The following SLC9D1 variants were observed in gnomAD, a reference collection of about 807,000 sequenced individuals.
SLC9D1 encodes solute carrier family 9 member D1, also known as putative LAG1-interacting protein.
the SLC9D1 span, among the ~76,000 whole-genome samples, chr13:113,548,844 G>A: frequency 6.6e-6 from 1 of 152,186 alleles, no homozygotes; most frequent in East Asian, 1.9e-4. Flanking sequence ...GATGGCCCTG[G>A]GCATTCGGAC....
chr13:113,510,028 G>A, the SLC9D1 span, among the ~76,000 whole-genome samples: 92 of 152,256 alleles, frequency 6.0e-4, 1 homozygote, highest in African/African-American at 1.1e-3. Context: ...GTGCGTGTGC[G>A]TGTATTGTGT....
chr13:113,518,593 C>T, the SLC9D1 span, among the ~76,000 whole-genome samples: 1 of 152,152 alleles, frequency 6.6e-6, no homozygotes, highest in Admixed American at 6.5e-5. Context: ...GTGGGGTGGC[C>T]GTGGCTCCTT....
the SLC9D1 span, chr13:113,500,115 C>G: frequency 1.3e-6 from 2 of 1,566,122 alleles, no homozygotes; most frequent in Admixed American, 1.8e-5. Flanking sequence ...CCCAGAGATT[C>G]AACCATCCCA....
chr13:113,499,897 A>G, the SLC9D1 span: 3 of 1,077,234 alleles, frequency 2.8e-6, no homozygotes, highest in East Asian at 8.6e-5. Flanking sequence ...TTTAGCGTTC[A>G]TTCTCCAAAA....
chr13:113,505,256 G>C, the SLC9D1 span: 3 of 152,094 alleles, frequency 2.0e-5, no homozygotes, highest in East Asian at 5.8e-4. Flanking sequence ...CTTTGGATTT[G>C]TACACTCTTT....
At chr13:113,502,403 C>T in the SLC9D1 span, among the ~76,000 whole-genome samples, 5 of 152,102 alleles carry the variant, frequency 3.3e-5, no homozygotes, top group Middle Eastern at 6.8e-3. Context: ...TTAGTAGAGA[C>T]GGGGTTTCAC....
At chr13:113,519,793 G>A in the SLC9D1 span, among the ~76,000 whole-genome samples, 86 of 152,256 alleles carry the variant, frequency 5.6e-4, no homozygotes, top group African/African-American at 2.0e-3. Flanking sequence ...ATTCCGTGTG[G>A]TGGCTTGGGT....
At chr13:113,520,805 CT>C in the SLC9D1 span, 1 of 1,113,124 alleles carries the variant, frequency 9.0e-7, no homozygotes, top group Non-Finnish European at 1.3e-6. Flanking sequence ...TACTTAATAC[CT>C]TTTCCAAAGA....
chr13:113,501,635 C>G, the SLC9D1 span: 3 of 773,042 alleles, frequency 3.9e-6, no homozygotes, highest in African/African-American at 1.8e-5. Flanking sequence ...TGTCTTCACC[C>G]TTCATTCCCA....
chr13:113,496,088 G>C, the SLC9D1 span: 137 of 1,061,166 alleles, frequency 1.3e-4, no homozygotes, highest in Middle Eastern at 8.9e-4. Flanking sequence ...GAGAGAGGGA[G>C]AGTGCGTGCC....
At chr13:113,517,380 C>A in the SLC9D1 span, among the ~76,000 whole-genome samples, 6 of 152,032 alleles carry the variant, frequency 3.9e-5, no homozygotes, top group African/African-American at 1.2e-4. Flanking sequence ...CTACAGGCGC[C>A]CGCCACCACG....
chr13:113,513,525 A>G, the SLC9D1 span, among the ~76,000 whole-genome samples: 1 of 152,216 alleles, frequency 6.6e-6, no homozygotes, highest in African/African-American at 2.4e-5. Flanking sequence ...TTTGGGAGGT[A>G]GTTAGAGTCA....
the SLC9D1 span, chr13:113,501,648 A>G: frequency 1.6e-3 from 1,337 of 841,650 alleles, 3 homozygotes; most frequent in Non-Finnish European, 2.2e-3. Context: ...CATTCCCATC[A>G]GGTGAAATCG....
the SLC9D1 span, among the ~76,000 whole-genome samples, chr13:113,538,965 T>C: frequency 6.6e-6 from 1 of 152,224 alleles, no homozygotes; most frequent in Admixed American, 6.5e-5. Context: ...GTCCTGTCGC[T>C]TTCTCTCTGC....
At chr13:113,534,382 A>G in the SLC9D1 span, 2 of 686,624 alleles carry the variant, frequency 2.9e-6, no homozygotes, top group Admixed American at 2.9e-5. Flanking sequence ...TTTTATACAC[A>G]CTTTCTTATA....
At chr13:113,491,934 G>A in the SLC9D1 span, among the ~76,000 whole-genome samples, 2 of 152,252 alleles carry the variant, frequency 1.3e-5, no homozygotes, top group Non-Finnish European at 2.9e-5. Context: ...TTCAAAAGGA[G>A]TGTCTTAATG....
At chr13:113,507,016 C>T in the SLC9D1 span, among the ~76,000 whole-genome samples, 1 of 151,924 alleles carries the variant, frequency 6.6e-6, no homozygotes, top group African/African-American at 2.4e-5. Flanking sequence ...GAGTCAGATG[C>T]GTGGAAGGAC....
chr13:113,529,168 C>G, the SLC9D1 span: 1 of 152,160 alleles, frequency 6.6e-6, no homozygotes, highest in South Asian at 2.1e-4. Context: ...TTTTCCAATT[C>G]AAAAAATTAA....
chr13:113,547,774 A>C, the SLC9D1 span, among the ~76,000 whole-genome samples: 1 of 152,048 alleles, frequency 6.6e-6, no homozygotes, highest in Non-Finnish European at 1.5e-5. Context: ...GTCCACATTT[A>C]ATTGAAGGTG....
Sources: gnomAD v4.1 joint callset for allele counts (sites outside exome capture counted in the v4.1 genomes callset) on GRCh38, gnomAD v4.1.1 for gene constraint, MANE v1.5 for transcripts, NCBI Gene and HGNC (gene_info 2026-07-23, HGNC 2026-07-21) for gene names.